Variants in CACNA2D1 observed in about 807,000 individuals in gnomAD.
CACNA2D1 encodes voltage-dependent calcium channel subunit alpha-2/delta-1.
Under a neutral mutation model 171.5 loss-of-function variants are expected in CACNA2D1, and 53 were observed. The observed-to-expected ratio is 0.31, with a 90% CI of 0.25 to 0.39. The LOEUF is 0.39. CACNA2D1 is among the 10% of genes least tolerant of loss of function. The probability of loss-of-function intolerance (pLI) is 1.00; values close to 1 mark genes in which losing one functional copy is unlikely to be tolerated. For missense variants in CACNA2D1, 903 were observed against 1,299.8 expected (o/e 0.69, Z 4.69); for synonymous variants, 442 against 443.1 (o/e 1.00, Z 0.03).
chr7:81,975,186 G>A (rs1354788934), intron 24 of CACNA2D1, among the ~76,000 whole-genome samples: 1 of 152,078 alleles, frequency 6.6e-6, no homozygotes, highest in Non-Finnish European at 1.5e-5. Context: ...GGAGGAAACT[G>A]AGTAAAAGGT....
intron 12 of CACNA2D1, among the ~76,000 whole-genome samples, chr7:82,025,237 A>G (rs1801736510): frequency 6.6e-6 from 1 of 151,688 alleles, no homozygotes. Flanking sequence ...TTTGGGTACT[A>G]TGGAAATTTT....
At chr7:82,379,464 T>C (rs1823439959) in intron 1 of CACNA2D1, among the ~76,000 whole-genome samples, 1 of 152,340 alleles carries the variant, frequency 6.6e-6, no homozygotes, top group Non-Finnish European at 1.5e-5. Context: ...TTATCACTTG[T>C]AACAATTTAT....
chr7:82,015,572 G>T (rs995521261), intron 12 of CACNA2D1, among the ~76,000 whole-genome samples: 10 of 151,960 alleles, frequency 6.6e-5, no homozygotes, highest in Admixed American at 3.9e-4. Flanking sequence ...CATATATATT[G>T]ATTTTTACTA....
At chr7:82,125,656 T>C (rs992942730) in intron 5 of CACNA2D1, among the ~76,000 whole-genome samples, 1 of 152,106 alleles carries the variant, frequency 6.6e-6, no homozygotes, top group Non-Finnish European at 1.5e-5. Flanking sequence ...GGTGGGAGGA[T>C]ACCTTGAGGC....
rs145528308 is a variant in CACNA2D1 at position 82,327,060 on chromosome 7, T to C, written c.294+8075A>G. Among the ~76,000 whole-genome samples the C allele has an allele frequency of 2.7e-4, 41 of 152,340 alleles. 1 individual carries two copies. Among genetic ancestry groups the C allele is most frequent in the African/African-American group, 8.9e-4 (37 of 41,572 alleles). ...TGTTACATTGAAAGGTGGGGCTCCA[T>C]ATAAAAAATGCCAACAGAAAACAAT... On this transcript the variant is annotated intron_variant, in intron 3 of 38. Transcript: ENST00000356860.
intron 10 of CACNA2D1, among the ~76,000 whole-genome samples, chr7:82,041,997 GC>G (rs1804014764): frequency 6.6e-6 from 1 of 152,128 alleles, no homozygotes; most frequent in African/African-American, 2.4e-5. Flanking sequence ...GAAAAGTGAA[GC>G]ATCTCATTAA....
chr7:82,062,147 T>C (rs140652341), intron 9 of CACNA2D1, among the ~76,000 whole-genome samples: 1,537 of 152,272 alleles, frequency 0.01, 25 homozygotes, highest in African/African-American at 0.035. Context: ...ATTTAAACTA[T>C]AAACTAAATT....
intron 13 of CACNA2D1, 104 bp downstream of exon 13, chr7:82,014,296 TA>T: frequency 5.7e-6 from 4 of 702,154 alleles, no homozygotes; most frequent in South Asian, 4.6e-5. Flanking sequence ...GTCTGATTCC[TA>T]TAAAAGTTAG....
At chr7:82,385,002 C>A (rs990541001) in intron 1 of CACNA2D1, among the ~76,000 whole-genome samples, 3 of 152,122 alleles carry the variant, frequency 2.0e-5, no homozygotes, top group Non-Finnish European at 2.9e-5. Context: ...GAAACACAGG[C>A]CTAATATAAA....
intron 24 of CACNA2D1, among the ~76,000 whole-genome samples, chr7:81,978,947 C>T (rs1796159907): frequency 1.3e-5 from 2 of 151,746 alleles, no homozygotes; most frequent in African/African-American, 2.4e-5. Context: ...TCCCTAAACA[C>T]GTAAGTAAAT....
At chr7:82,303,236 A>T (rs1813270681) in intron 3 of CACNA2D1, among the ~76,000 whole-genome samples, 1 of 152,070 alleles carries the variant, frequency 6.6e-6, no homozygotes, top group South Asian at 2.1e-4. Flanking sequence ...TGACCTTGTG[A>T]TCTGCCCACC....
rs367588698 is a variant in CACNA2D1 at position 81,969,967 on chromosome 7, T to G, written c.2222A>C (p.Gln741Pro). Residue 741 changes from glutamine (Q) to proline (P), a missense_variant, in exon 28 of 39, where the codon CAA becomes CCA. By Grantham distance (76) the Gln-to-Pro change is moderately conservative. This residue lies in a region of CACNA2D1 where 623 missense variants were observed against 925.5 expected (regional missense o/e 0.67). Transcript: ENST00000356860. ...VYPKEAGENW[Q>P]ENPETYEDSF... ...GTCCTCATATGTCTCTGGGTTTTCTTGCCAATTTTCTCCAGCCCTAAGGAG... is the reference window on the plus strand; with the variant it reads ...GTCCTCATATGTCTCTGGGTTTTCTGGCCAATTTTCTCCAGCCCTAAGGAG... 2.5e-6 allele frequency: 4 copies of G among 1,606,164 alleles called. No homozygotes were observed. The South Asian group carries it at 4.4e-5, about 18-fold the overall frequency.
At position 82,428,006 on chromosome 7, in the gene CACNA2D1, T is replaced by C. The variant is rs574524175; in HGVS notation, c.95+15359A>G. Among the ~76,000 whole-genome samples, 61 of 151,852 alleles carry C rather than the reference T, an allele frequency of 4.0e-4. 2 individuals are homozygous for C. In the South Asian group the frequency reaches 0.012, roughly 30 times the overall value. Reference sequence around the variant, plus strand: ...GAGTTTGAGACGAGCCTGGCCAACATAGTGAGATACCAAGACTCCGTCTCT... The same window carrying C: ...GAGTTTGAGACGAGCCTGGCCAACACAGTGAGATACCAAGACTCCGTCTCT... On this transcript the variant is annotated intron_variant, in intron 1 of 38. Coordinates refer to ENST00000356860, the MANE Select transcript of CACNA2D1 (RefSeq NM_000722.4).
chr7:82,093,305 A>G (rs762592816), intron 6 of CACNA2D1, among the ~76,000 whole-genome samples: 2 of 152,178 alleles, frequency 1.3e-5, no homozygotes, highest in Non-Finnish European at 2.9e-5. Context: ...TCATTTAGTA[A>G]CTGCACAATA....
At chr7:82,108,393 G>A (rs1199626391) in intron 6 of CACNA2D1, among the ~76,000 whole-genome samples, 1 of 152,076 alleles carries the variant, frequency 6.6e-6, no homozygotes, top group Admixed American at 6.6e-5. Flanking sequence ...CATCGTAGAA[G>A]GCCACCAACC....
chr7:82,121,461 G>A (rs1281878409), intron 5 of CACNA2D1, among the ~76,000 whole-genome samples: 3 of 152,178 alleles, frequency 2.0e-5, no homozygotes, highest in Non-Finnish European at 4.4e-5. Flanking sequence ...AAGAGGTGTG[G>A]AACTTTCATC....
At chr7:82,435,550 C>T (rs773739292) in intron 1 of CACNA2D1, among the ~76,000 whole-genome samples, 3 of 152,080 alleles carry the variant, frequency 2.0e-5, no homozygotes, top group Non-Finnish European at 2.9e-5. Context: ...ATCTCACAAC[C>T]ACCAAGTCCT....
chr7:82,080,566 A>C (rs1809624506), intron 7 of CACNA2D1, among the ~76,000 whole-genome samples: 1 of 152,210 alleles, frequency 6.6e-6, no homozygotes, highest in African/African-American at 2.4e-5. Flanking sequence ...TAAAAAATAA[A>C]TACCTTCTTA....
At chr7:82,274,636 T>C (rs1381802688) in intron 3 of CACNA2D1, among the ~76,000 whole-genome samples, 1 of 152,116 alleles carries the variant, frequency 6.6e-6, no homozygotes. Flanking sequence ...TTATTCTTAT[T>C]TAAGTGCAAA....
Sources: allele counts gnomAD v4.1 joint callset (sites outside exome capture counted in the v4.1 genomes callset), GRCh38; gene constraint gnomAD v4.1.1; regional missense constraint gnomAD v4.1.1; transcripts MANE v1.5; gene names NCBI Gene and HGNC (gene_info 2026-07-23, HGNC 2026-07-21).